Variants in IL17RD observed in about 807,000 individuals in gnomAD.
The protein encoded by IL17RD is interleukin 17 receptor D, also known as interleukin-17 receptor D.
IL17RD carries 52 observed loss-of-function variants against 80.5 expected under a neutral mutation model. That is an observed-to-expected ratio of 0.65 (90% CI 0.52 to 0.81). The LOEUF is 0.81. Ranked by LOEUF, IL17RD falls within the 40% of genes least tolerant of loss-of-function variation. The pLI is 0.00. For missense variants in IL17RD, 1,024 were observed against 955.1 expected, an observed-to-expected ratio of 1.07 and a Z score of -0.95; for synonymous variants, 416 against 391.8, an observed-to-expected ratio of 1.06 and a Z score of -0.73.
At chr3:57,097,004 CAA>C (rs200974175) in intron 12 of IL17RD, among the ~76,000 whole-genome samples, 27 of 100,064 alleles carry the variant, frequency 2.7e-4, no homozygotes, top group Admixed American at 6.8e-4. Context: ...GACTCCATCT[CAA>C]AAAAAAAAAA....
chr3:57,141,626 C>A (rs1021906866), intron 1 of IL17RD, among the ~76,000 whole-genome samples: 1 of 151,930 alleles, frequency 6.6e-6, no homozygotes, highest in South Asian at 2.1e-4. Context: ...TATCTGTATA[C>A]ACAAACTGCT....
Position 57,106,132 on chromosome 3 carries a change from C to T in IL17RD, c.573G>A (p.Pro191=), listed in dbSNP as rs201417324. 189 of 1,611,950 alleles carry T rather than the reference C, an allele frequency of 1.2e-4. No homozygotes were observed. Among genetic ancestry groups the T allele is most frequent in the East Asian group, 2.7e-4 (12 of 44,862 alleles). Residue 191 remains proline, a synonymous_variant, in exon 6 of 13, where the codon CCG becomes CCA. Transcript: ENST00000296318. The part of the protein sequence containing the change: ...RTRACDLLLQ[P]DNLACKPFWK... ...TACAGGGTTTACAAGCTAGATTGTC[C>T]GGCTGTAACAACAGGTCACAGGCTA...
intron 1 of IL17RD, among the ~76,000 whole-genome samples, chr3:57,146,039 G>GCA (rs1048230939): frequency 2.0e-5 from 3 of 147,912 alleles, no homozygotes; most frequent in South Asian, 2.2e-4. Context: ...TCACGCGCGC[G>GCA]CGCGCGCACA....
In IL17RD at chr3:57,093,073, G is replaced by C. The variant is rs2107454606; in HGVS notation, c.*3320C>G. 1 of 152,284 alleles carries C rather than the reference G, an allele frequency of 6.6e-6. No homozygotes were observed. Among genetic ancestry groups the C allele is most frequent in the South Asian group, 2.1e-4 (1 of 4,820 alleles). 9.4% of individuals were successfully genotyped at this position (152,284 alleles called of 1,614,324 possible). On this transcript the variant is annotated 3_prime_UTR_variant, in exon 13 of 13. Transcript: ENST00000296318. ...ACAGTCGACTGGAAAATTACCCACTGTGGGTGGAACAGGGGCGCTTCAGTT... is the reference window on the plus strand; with the variant it reads ...ACAGTCGACTGGAAAATTACCCACTCTGGGTGGAACAGGGGCGCTTCAGTT...
At chr3:57,109,705 C>T (rs1306331128) in intron 4 of IL17RD, 48 bp from the exon 5 acceptor site, 2 of 1,587,520 alleles carry the variant, frequency 1.3e-6, no homozygotes, top group Non-Finnish European at 1.7e-6. Flanking sequence ...ATTACCCACC[C>T]CTCCACCTTC....
In IL17RD at chr3:57,094,233, A is replaced by C. The variant is rs1007980476; in HGVS notation, c.*2160T>G. 6.6e-5 allele frequency: 10 copies of C among 152,202 alleles called. No homozygotes were observed. The highest frequency in any genetic ancestry group is 2.4e-4 in the African/African-American group (10 of 41,446). 9.4% of individuals were successfully genotyped at this position (152,202 alleles called of 1,614,324 possible). On this transcript the variant is annotated 3_prime_UTR_variant, in exon 13 of 13. Transcript: ENST00000296318. The stretch of plus-strand genomic sequence containing the variant: ...AGAGTAGAAAAAGTGAAACTAATTA[A>C]ACAAAACTAGGAAGTTGGACTTCTC...
At chr3:57,127,196 A>G (rs1186151504) in intron 1 of IL17RD, among the ~76,000 whole-genome samples, 1 of 121,748 alleles carries the variant, frequency 8.2e-6, no homozygotes, top group Non-Finnish European at 1.5e-5. Context: ...ATATATATAT[A>G]TAAATATATA....
intron 1 of IL17RD, among the ~76,000 whole-genome samples, chr3:57,138,464 A>G (rs1332566268): frequency 6.6e-6 from 1 of 152,172 alleles, no homozygotes; most frequent in Non-Finnish European, 1.5e-5. Flanking sequence ...CACATATAAC[A>G]TGACAGGGAC....
chr3:57,163,366 G>A (rs1490742867), intron 1 of IL17RD, among the ~76,000 whole-genome samples: 4 of 152,142 alleles, frequency 2.6e-5, no homozygotes, highest in Non-Finnish European at 5.9e-5. Context: ...TTATGAGGGT[G>A]CAGGTTTGGG....
At position 57,142,272 on chromosome 3, in the gene IL17RD, G is replaced by A. The variant is rs938685029; in HGVS notation, c.127-21959C>T. 2.0e-5 allele frequency among the ~76,000 whole-genome samples: 3 copies of A among 152,254 alleles called. No individual in the cohort carries two copies. The East Asian group carries it at 5.8e-4, about 29-fold the overall frequency. ...TTTCAGTTTTTGCTTGGAAAAATGG[G>A]AGCCAATACATTCCTTCTGGGAATT... On this transcript the variant is annotated intron_variant, in intron 1 of 12. Coordinates refer to ENST00000296318, the MANE Select transcript of IL17RD (RefSeq NM_017563.5).
chr3:57,133,188 T>A (rs917687973), intron 1 of IL17RD, among the ~76,000 whole-genome samples: 1 of 152,176 alleles, frequency 6.6e-6, no homozygotes. Flanking sequence ...CGTAAAAAAT[T>A]TCACTGTCAG....
chr3:57,116,066 C>T (rs1029421014), intron 2 of IL17RD, among the ~76,000 whole-genome samples: 1 of 152,136 alleles, frequency 6.6e-6, no homozygotes, highest in South Asian at 2.1e-4. Flanking sequence ...AATACCCTTC[C>T]AAGCCTTGTT....
At chr3:57,101,500 C>A in intron 10 of IL17RD, 137 bp from the exon 11 acceptor site, 1 of 566,738 alleles carries the variant, frequency 1.8e-6, no homozygotes, top group South Asian at 2.6e-5. Flanking sequence ...CCATCAGCCC[C>A]CTCTGATCAT....
At chr3:57,168,658 C>CAA (rs947657917), upstream of IL17RD, among the ~76,000 whole-genome samples, 2 of 79,864 alleles carry the variant, frequency 2.5e-5, no homozygotes, top group Admixed American at 2.5e-4. Flanking sequence ...CTGGTCTTTC[C>CAA]CATTGATTCT....
Position 57,127,337 on chromosome 3 carries a change from AAAAT to A in IL17RD, c.127-7028_127-7025del, listed in dbSNP as rs1559477144. The stretch of plus-strand genomic sequence containing the variant: ...ATAAAAATATATATAAATATATATA[AAAAT>A]ATATATAAATATATATAAATATAAA... On this transcript the variant is annotated intron_variant, in intron 1 of 12. Transcript: ENST00000296318. 1.6e-4 allele frequency among the ~76,000 whole-genome samples: 12 copies of A among 75,710 alleles called. 1 individual carries two copies. The highest frequency in any genetic ancestry group is 1.1e-3 in the East Asian group (2 of 1,860). The allele number at this position is 75,710 out of a possible 152,430, so 49.7% of individuals were successfully genotyped here. A position where few individuals can be genotyped will look rare whatever the true frequency, so the allele number is the denominator to read the frequency against.
chr3:57,127,412 A>ATATATATTT (rs1246159104), intron 1 of IL17RD, among the ~76,000 whole-genome samples: 15 of 91,190 alleles, frequency 1.6e-4, no homozygotes, highest in African/African-American at 6.8e-4. Flanking sequence ...ATATATATAT[A>ATATATATTT]TTTTTTTTTT....
At chr3:57,130,391 T>C (rs986544916) in intron 1 of IL17RD, among the ~76,000 whole-genome samples, 3 of 152,196 alleles carry the variant, frequency 2.0e-5, no homozygotes, top group Non-Finnish European at 2.9e-5. Context: ...TAGCAATATA[T>C]AAAATATCCA....
intron 1 of IL17RD, among the ~76,000 whole-genome samples, chr3:57,141,677 GA>G (rs950231109): frequency 6.7e-6 from 1 of 149,508 alleles, no homozygotes; most frequent in Non-Finnish European, 1.5e-5. Context: ...TTTCTGGGAG[GA>G]AAAAAAAAGC....
At chr3:57,105,552 A>AAAAAAAAAAAAATAT in intron 7 of IL17RD, among the ~76,000 whole-genome samples, 926 of 63,334 alleles carry the variant, frequency 0.015, 75 homozygotes, top group Non-Finnish European at 0.019. Flanking sequence ...AAAAAAAAAA[A>AAAAAAAAAAAAATAT]ATATATATAT....
Sources: allele counts gnomAD v4.1 joint callset (sites outside exome capture counted in the v4.1 genomes callset), GRCh38; gene constraint gnomAD v4.1.1; transcripts MANE v1.5; gene names NCBI Gene and HGNC (gene_info 2026-07-23, HGNC 2026-07-21).